CDC42BPB: variants seen among roughly 807,000 people sequenced by gnomAD.
CDC42BPB encodes the protein serine/threonine-protein kinase MRCK beta.
CDC42BPB carries 37 observed loss-of-function variants against 214.9 expected under a neutral mutation model. That is an observed-to-expected ratio of 0.17 (90% CI 0.13 to 0.23). The LOEUF (loss-of-function observed/expected upper bound fraction) is 0.23, where lower values mean the gene tolerates loss of function less well. Ranked by LOEUF, CDC42BPB falls within the 10% of genes least tolerant of loss-of-function variation. The pLI is 1.00. For missense variants in CDC42BPB, 1,694 were observed against 2,227.0 expected, an observed-to-expected ratio of 0.76 and a Z score of 4.82; for synonymous variants, 931 against 884.0, an observed-to-expected ratio of 1.05 and a Z score of -0.94.
chr14:102,991,924 T>C (rs1416049052), intron 5 of CDC42BPB, among the ~76,000 whole-genome samples: 1 of 152,356 alleles, frequency 6.6e-6, no homozygotes, highest in African/African-American at 2.4e-5. Context: ...TGGTAGCCCC[T>C]AGCCACAGAG....
chr14:102,945,964 G>A (rs531165394), intron 28 of CDC42BPB, among the ~76,000 whole-genome samples: 1 of 152,280 alleles, frequency 6.6e-6, no homozygotes, highest in East Asian at 1.9e-4. Context: ...GGCTCCTGGA[G>A]CTGACCCTCA....
At chr14:102,999,792 T>A in intron 4 of CDC42BPB, 79 bp from the exon 5 acceptor site, 1 of 1,562,388 alleles carries the variant, frequency 6.4e-7, no homozygotes, top group Non-Finnish European at 8.7e-7. Flanking sequence ...CAGTCTTCCA[T>A]GGCGAGGTTC....
chr14:102,987,667 A>C (rs1369631383), intron 5 of CDC42BPB, among the ~76,000 whole-genome samples: 1 of 152,170 alleles, frequency 6.6e-6, no homozygotes, highest in Non-Finnish European at 1.5e-5. Context: ...ACAAAACCAG[A>C]AACAAAAACA....
chr14:103,029,369 G>C (rs555173324), intron 1 of CDC42BPB, among the ~76,000 whole-genome samples: 1 of 152,046 alleles, frequency 6.6e-6, no homozygotes, highest in African/African-American at 2.4e-5. Flanking sequence ...GTGAAACCCT[G>C]TCTCTACTAA....
At chr14:102,998,775 G>C (rs947570063) in intron 5 of CDC42BPB, among the ~76,000 whole-genome samples, 5 of 152,178 alleles carry the variant, frequency 3.3e-5, no homozygotes, top group African/African-American at 9.7e-5. Flanking sequence ...TCAGGGGTCA[G>C]CACGGCACAG....
Position 103,012,178 on chromosome 14 carries a change from A to G in CDC42BPB, c.186T>C (p.Phe62=). ...VAEFLEWAKP[F]TQLVKEMQLH... is the part of the protein sequence containing the mutation. ...GCTGCATTTCTTTCACCAGCTGTGTAAATGGTTTAGCTACAAGTAAAACAG... is the reference window on the plus strand; with the variant it reads ...GCTGCATTTCTTTCACCAGCTGTGTGAATGGTTTAGCTACAAGTAAAACAG... Residue 62 remains phenylalanine, a synonymous_variant, in exon 2 of 37, where the codon TTT becomes TTC. Coordinates refer to ENST00000361246, the MANE Select transcript of CDC42BPB (RefSeq NM_006035.4). 6 of 1,612,854 alleles carry G rather than the reference A, an allele frequency of 3.7e-6. No individual in the cohort carries two copies. Among genetic ancestry groups the G allele is most frequent in the Non-Finnish European group, 5.1e-6 (6 of 1,179,066 alleles).
At chr14:103,008,241 C>T (rs17666599) in intron 3 of CDC42BPB, among the ~76,000 whole-genome samples, 6,615 of 152,304 alleles carry the variant, frequency 0.043, 151 homozygotes, top group Middle Eastern at 0.071. Flanking sequence ...CCAACATTCT[C>T]GAGGGTGCAC....
chr14:103,037,789 G>C (rs1467810191), intron 1 of CDC42BPB, among the ~76,000 whole-genome samples: 2 of 152,144 alleles, frequency 1.3e-5, no homozygotes, highest in Non-Finnish European at 2.9e-5. Flanking sequence ...CCAGCACTTT[G>C]GGAGGCCGAG....
At chr14:102,973,608 T>C (rs533925380) in intron 12 of CDC42BPB, among the ~76,000 whole-genome samples, 1 of 152,270 alleles carries the variant, frequency 6.6e-6, no homozygotes, top group South Asian at 2.1e-4. Flanking sequence ...ACAGCCACCA[T>C]GCCCTATGCA....
chr14:102,968,998 T>C (rs1893350229), intron 14 of CDC42BPB: 11 of 640,028 alleles, frequency 1.7e-5, no homozygotes, highest in Non-Finnish European at 2.1e-5. Context: ...TTCTGAGGGC[T>C]GACTCTGTGC....
intron 1 of CDC42BPB, among the ~76,000 whole-genome samples, chr14:103,014,098 G>A (rs1886319265): frequency 6.6e-6 from 1 of 151,468 alleles, no homozygotes; most frequent in Non-Finnish European, 1.5e-5. Context: ...CCTGGGAGGT[G>A]GAGCTTGCAG....
chr14:102,975,046 C>G (rs929176635), intron 11 of CDC42BPB, among the ~76,000 whole-genome samples: 6 of 152,190 alleles, frequency 3.9e-5, no homozygotes, highest in Non-Finnish European at 7.3e-5. Flanking sequence ...AGGTCTAGCA[C>G]CTACAACACC....
chr14:102,998,033 C>G (rs1211669284), intron 5 of CDC42BPB, among the ~76,000 whole-genome samples: 1 of 152,138 alleles, frequency 6.6e-6, no homozygotes, highest in South Asian at 2.1e-4. Flanking sequence ...GAGCCTGAGG[C>G]AGGAGAATCT....
rs1158470464 is a variant in CDC42BPB, at chr14:103,041,810, G to A, written c.175+15189C>T. The stretch of plus-strand genomic sequence containing the variant: ...GAGTCCCTGCAGGCCAAGGTGCGGC[G>A]GCTGAAGGAGCACCACTCCAACCTC... On this transcript the variant is annotated intron_variant, in intron 1 of 36. Transcript: ENST00000361246. 7 of 413,190 alleles carry A rather than the reference G, an allele frequency of 1.7e-5. No homozygotes were observed. In the East Asian group the frequency reaches 1.8e-4, roughly 11 times the overall value. The allele number at this position is 413,190 out of a possible 1,614,324, so 25.6% of individuals were successfully genotyped here.
At chr14:102,977,084 G>C (rs1342310256) in intron 9 of CDC42BPB, among the ~76,000 whole-genome samples, 1 of 152,124 alleles carries the variant, frequency 6.6e-6, no homozygotes, top group Non-Finnish European at 1.5e-5. Context: ...GCTCACGCCT[G>C]TAATCCTGAC....
intron 28 of CDC42BPB, 125 bp from the exon 29 acceptor site, chr14:102,945,849 C>A: frequency 1.3e-6 from 1 of 776,552 alleles, no homozygotes. Context: ...ATACAGCATT[C>A]CAGGGATGTG....
chr14:102,937,852 C>T (rs2139338631), intron 36 of CDC42BPB, among the ~76,000 whole-genome samples: 1 of 152,366 alleles, frequency 6.6e-6, no homozygotes, highest in African/African-American at 2.4e-5. Context: ...GCTTCCATTC[C>T]TCCTGGGGCA....
intron 11 of CDC42BPB, 90 bp downstream of exon 11, chr14:102,975,594 T>C: frequency 7.5e-7 from 1 of 1,338,998 alleles, no homozygotes; most frequent in Non-Finnish European, 1.0e-6. Context: ...TTTTCTGCTT[T>C]CCCACTTTAT....
chr14:103,000,337 G>A (rs1344042500), intron 4 of CDC42BPB, among the ~76,000 whole-genome samples: 2 of 152,232 alleles, frequency 1.3e-5, no homozygotes, highest in Admixed American at 6.5e-5. Context: ...GCCGTGTGCT[G>A]GGAGTGGGCG....
Sources: allele counts gnomAD v4.1 joint callset (sites outside exome capture counted in the v4.1 genomes callset), GRCh38; gene constraint gnomAD v4.1.1; transcripts MANE v1.5; gene names NCBI Gene and HGNC (gene_info 2026-07-23, HGNC 2026-07-21).